The following FSTL5 variants were observed in gnomAD, a reference collection of about 807,000 sequenced individuals.
The protein encoded by FSTL5 is follistatin like 5.
A neutral mutation model predicts 89.1 loss-of-function variants in FSTL5; 62 were observed. The ratio of observed to expected loss-of-function variants is 0.70; its 90% CI spans 0.57 to 0.86. The LOEUF (loss-of-function observed/expected upper bound fraction) is 0.86. Ranked by LOEUF, FSTL5 falls within the 40% of genes least tolerant of loss-of-function variation. The probability of loss-of-function intolerance (pLI) is 0.00; values close to 1 mark genes in which losing one functional copy is unlikely to be tolerated. For synonymous variants in FSTL5, 383 were observed against 346.2 expected (o/e 1.11, Z -1.18); for missense variants, 1,057 against 1,001.6 (o/e 1.06, Z -0.75).
intron 5 of FSTL5, among the ~76,000 whole-genome samples, chr4:161,773,542 A>G (rs1277608609): frequency 6.6e-6 from 1 of 152,228 alleles, no homozygotes; most frequent in Non-Finnish European, 1.5e-5. Context: ...AAGGACATTA[A>G]TAGACAATTC....
chr4:161,502,235 A>T (rs183699565), intron 11 of FSTL5, among the ~76,000 whole-genome samples: 1 of 152,070 alleles, frequency 6.6e-6, no homozygotes, highest in Admixed American at 6.6e-5. Context: ...CACAGAAAAG[A>T]GTCAGTGGGA....
intron 3 of FSTL5, among the ~76,000 whole-genome samples, chr4:161,975,895 C>T (rs1735627820): frequency 6.6e-6 from 1 of 150,942 alleles, no homozygotes; most frequent in Non-Finnish European, 1.5e-5. Context: ...GCGGGCGGAT[C>T]ACGAGGCCAG....
chr4:162,022,764 C>T (rs1017724730), intron 3 of FSTL5: 1 of 152,030 alleles, frequency 6.6e-6, no homozygotes, highest in Non-Finnish European at 1.5e-5. Flanking sequence ...GAGTTTTAGG[C>T]ACAAGATTAA....
At chr4:161,779,812 T>TAC (rs1741586943) in intron 4 of FSTL5, among the ~76,000 whole-genome samples, 7 of 84,178 alleles carry the variant, frequency 8.3e-5, no homozygotes, top group Non-Finnish European at 1.7e-4. Context: ...TATATATATG[T>TAC]ATATATATAT....
At chr4:161,867,293 A>G (rs1732124445) in intron 4 of FSTL5, among the ~76,000 whole-genome samples, 1 of 152,034 alleles carries the variant, frequency 6.6e-6, no homozygotes, top group Non-Finnish European at 1.5e-5. Context: ...ACTCTCTTAA[A>G]GTTAATGCCT....
chr4:161,509,022 G>T (rs1383010067), intron 11 of FSTL5, among the ~76,000 whole-genome samples: 1 of 152,152 alleles, frequency 6.6e-6, no homozygotes, highest in Non-Finnish European at 1.5e-5. Flanking sequence ...ATGAAATGTT[G>T]TTTGATAGAT....
intron 15 of FSTL5, among the ~76,000 whole-genome samples, chr4:161,411,029 A>T (rs947814033): frequency 1.3e-5 from 2 of 152,154 alleles, no homozygotes; most frequent in African/African-American, 2.4e-5. Flanking sequence ...CTGATCCTAT[A>T]GAAATACAAA....
intron 4 of FSTL5, among the ~76,000 whole-genome samples, chr4:161,857,554 A>G (rs1384182463): frequency 1.3e-5 from 2 of 152,176 alleles, no homozygotes; most frequent in African/African-American, 4.8e-5. Flanking sequence ...ATTACTTATT[A>G]TAAACACATC....
At chr4:161,778,585 T>C (rs1452034287) in intron 4 of FSTL5, among the ~76,000 whole-genome samples, 1 of 152,252 alleles carries the variant, frequency 6.6e-6, no homozygotes, top group Non-Finnish European at 1.5e-5. Flanking sequence ...ATTACTATTG[T>C]TGTTCAGCAC....
intron 2 of FSTL5, among the ~76,000 whole-genome samples, chr4:162,098,298 T>C (rs556534647): frequency 5.3e-5 from 8 of 152,060 alleles, no homozygotes; most frequent in South Asian, 4.1e-4. Context: ...AATCAGAACA[T>C]TGGTTGCCCT....
At chr4:161,517,077 TG>T (rs1730869456) in intron 10 of FSTL5, among the ~76,000 whole-genome samples, 2 of 152,034 alleles carry the variant, frequency 1.3e-5, no homozygotes, top group Admixed American at 1.3e-4. Flanking sequence ...TTCATAGAGA[TG>T]GGGTTTCACT....
intron 15 of FSTL5, among the ~76,000 whole-genome samples, chr4:161,446,323 T>C (rs1732944279): frequency 6.6e-6 from 1 of 152,106 alleles, no homozygotes; most frequent in South Asian, 2.1e-4. Flanking sequence ...CAAAATGTTT[T>C]ACCATTATTT....
At chr4:161,460,660 C>T (rs142151415) in intron 13 of FSTL5, among the ~76,000 whole-genome samples, 249 of 152,244 alleles carry the variant, frequency 1.6e-3, no homozygotes, top group African/African-American at 5.7e-3. Context: ...TAATGCCCTT[C>T]ATTTTGCCTA....
chr4:161,713,375 AG>A (rs1482744717), intron 6 of FSTL5, among the ~76,000 whole-genome samples: 1 of 152,202 alleles, frequency 6.6e-6, no homozygotes, highest in African/African-American at 2.4e-5. Context: ...GTAAGTTACC[AG>A]GAGTTTCCTG....
At chr4:161,713,024 A>G (rs530280277) in intron 6 of FSTL5, among the ~76,000 whole-genome samples, 1 of 152,272 alleles carries the variant, frequency 6.6e-6, no homozygotes, top group East Asian at 1.9e-4. Context: ...AGTCTCAGGT[A>G]TTCCTTTATA....
intron 3 of FSTL5, among the ~76,000 whole-genome samples, chr4:162,026,497 G>A (rs969714361): frequency 3.3e-5 from 5 of 151,138 alleles, no homozygotes; most frequent in African/African-American, 7.3e-5. Context: ...TAGTAGAGAC[G>A]GAATTTCACC....
At chr4:161,725,757 T>C (rs562223831) in intron 6 of FSTL5, among the ~76,000 whole-genome samples, 27 of 152,266 alleles carry the variant, frequency 1.8e-4, no homozygotes, top group Admixed American at 1.6e-3. Context: ...GCTTGCTGAG[T>C]GCACTAGGCA....
intron 3 of FSTL5, among the ~76,000 whole-genome samples, chr4:161,998,605 T>C (rs1736369774): frequency 6.6e-6 from 1 of 152,176 alleles, no homozygotes; most frequent in Non-Finnish European, 1.5e-5. Flanking sequence ...AAGTCTTCCT[T>C]GACATTTTTA....
At chr4:161,667,659 T>C (rs1736950009) in intron 6 of FSTL5, among the ~76,000 whole-genome samples, 1 of 152,104 alleles carries the variant, frequency 6.6e-6, no homozygotes, top group Admixed American at 6.5e-5. Flanking sequence ...AAGTATTTGA[T>C]TCATTTAACT....
Sources: gnomAD v4.1 joint callset for allele counts (sites outside exome capture counted in the v4.1 genomes callset) on GRCh38, gnomAD v4.1.1 for gene constraint, MANE v1.5 for transcripts, NCBI Gene and HGNC (gene_info 2026-07-23, HGNC 2026-07-21) for gene names.